The following EBF1 variants were observed in gnomAD, a reference collection of about 807,000 sequenced individuals.
The protein encoded by EBF1 is transcription factor COE1.
EBF1 carries 10 observed loss-of-function variants against 68.4 expected under a neutral mutation model. That is an observed-to-expected ratio of 0.15 (90% CI 0.09 to 0.25). The LOEUF (loss-of-function observed/expected upper bound fraction) is 0.25, where lower values mean the gene tolerates loss of function less well. Ranked by LOEUF, EBF1 falls within the 10% of genes least tolerant of loss-of-function variation. EBF1 has a pLI of 1.00. For synonymous variants in EBF1, 298 were observed against 299.8 expected (o/e 0.99, Z 0.06); for missense variants, 509 against 794.4 (o/e 0.64, Z 4.32).
chr5:158,936,153 T>G (rs1811975194), intron 6 of EBF1, among the ~76,000 whole-genome samples: 1 of 152,228 alleles, frequency 6.6e-6, no homozygotes, highest in South Asian at 2.1e-4. Flanking sequence ...TTTGCTTTTT[T>G]GCCAAGACCA....
intron 14 of EBF1, among the ~76,000 whole-genome samples, chr5:158,708,468 C>T (rs1758401004): frequency 1.3e-5 from 2 of 152,158 alleles, no homozygotes; most frequent in African/African-American, 2.4e-5. Flanking sequence ...GAAAATGACC[C>T]CTGGTCATCA....
At chr5:158,867,249 T>C (rs905658434) in intron 6 of EBF1, among the ~76,000 whole-genome samples, 10 of 152,146 alleles carry the variant, frequency 6.6e-5, no homozygotes, top group Non-Finnish European at 1.0e-4. Context: ...GGCCTGAGTT[T>C]TTATGACAAA....
intron 15 of EBF1, among the ~76,000 whole-genome samples, chr5:158,703,048 A>C (rs912674662): frequency 2.0e-5 from 3 of 152,292 alleles, no homozygotes; most frequent in Admixed American, 6.5e-5. Flanking sequence ...GAATCACTAC[A>C]TCAGCGGGGG....
intron 6 of EBF1, among the ~76,000 whole-genome samples, chr5:158,905,864 G>A (rs577818789): frequency 6.6e-6 from 1 of 152,178 alleles, no homozygotes; most frequent in African/African-American, 2.4e-5. Context: ...GCCTTGCCCT[G>A]GCCCCACTTA....
chr5:158,758,525 C>T (rs1225124192), intron 10 of EBF1, among the ~76,000 whole-genome samples: 2 of 152,160 alleles, frequency 1.3e-5, no homozygotes, highest in African/African-American at 4.8e-5. Context: ...TGCACCTGCC[C>T]TTTATAAAAC....
At chr5:158,858,333 G>T (rs891290067) in intron 6 of EBF1, among the ~76,000 whole-genome samples, 6 of 152,102 alleles carry the variant, frequency 3.9e-5, no homozygotes, top group Admixed American at 3.3e-4. Context: ...TGCCTTCTCA[G>T]GTACTGCTTC....
chr5:159,096,707 G>A (rs1000415505), intron 2 of EBF1: 3 of 606,380 alleles, frequency 4.9e-6, no homozygotes, highest in Admixed American at 6.0e-5. Flanking sequence ...AGTGGAGGGC[G>A]GGTTCATTCC....
At chr5:158,978,575 G>A (rs1252775140) in intron 6 of EBF1, among the ~76,000 whole-genome samples, 1 of 151,892 alleles carries the variant, frequency 6.6e-6, no homozygotes, top group Non-Finnish European at 1.5e-5. Flanking sequence ...TATTTGAATA[G>A]TATGAAATAA....
At chr5:159,089,639 G>A (rs941155059) in intron 4 of EBF1, among the ~76,000 whole-genome samples, 4 of 152,064 alleles carry the variant, frequency 2.6e-5, no homozygotes, top group African/African-American at 9.7e-5. Flanking sequence ...CAAAATAAAG[G>A]CGGTGAAGAG....
intron 11 of EBF1, among the ~76,000 whole-genome samples, chr5:158,717,513 T>C (rs989504253): frequency 1.3e-5 from 2 of 152,174 alleles, no homozygotes; most frequent in Non-Finnish European, 2.9e-5. Flanking sequence ...TTTCAAGGCA[T>C]TTATTTGTCA....
intron 6 of EBF1, among the ~76,000 whole-genome samples, chr5:158,971,157 A>C (rs1054105069): frequency 6.6e-6 from 1 of 152,256 alleles, no homozygotes; most frequent in African/African-American, 2.4e-5. Flanking sequence ...AAATCTGGGC[A>C]CGCCCATCTG....
chr5:159,031,380 T>C (rs186452270), intron 6 of EBF1, among the ~76,000 whole-genome samples: 37 of 152,294 alleles, frequency 2.4e-4, no homozygotes, highest in African/African-American at 8.4e-4. Flanking sequence ...ATCTGGACAT[T>C]TGGGGGAAGC....
chr5:158,797,151 C>T (rs1438540344), intron 8 of EBF1, among the ~76,000 whole-genome samples: 5 of 152,154 alleles, frequency 3.3e-5, no homozygotes, highest in Non-Finnish European at 5.9e-5. Context: ...CTTTCCCAGG[C>T]ATAAAACCCT....
chr5:158,940,854 G>A (rs1813189889), intron 6 of EBF1, among the ~76,000 whole-genome samples: 1 of 143,250 alleles, frequency 7.0e-6, no homozygotes, highest in Non-Finnish European at 1.5e-5. Flanking sequence ...GACTATCTCT[G>A]GAATAAAACC....
chr5:158,801,882 C>T (rs1053211087), intron 8 of EBF1, among the ~76,000 whole-genome samples: 4 of 152,120 alleles, frequency 2.6e-5, no homozygotes, highest in Non-Finnish European at 5.9e-5. Flanking sequence ...ATAAGTGTTA[C>T]ATGATTCAAG....
chr5:158,876,345 T>C (rs1486848952), intron 6 of EBF1, among the ~76,000 whole-genome samples: 3 of 152,172 alleles, frequency 2.0e-5, no homozygotes, highest in Non-Finnish European at 4.4e-5. Flanking sequence ...CATGTATCTC[T>C]ACCCTCAATC....
chr5:158,955,998 C>A (rs1306245913), intron 6 of EBF1, among the ~76,000 whole-genome samples: 3 of 150,022 alleles, frequency 2.0e-5, no homozygotes, highest in Non-Finnish European at 3.0e-5. Flanking sequence ...CTTGAATATG[C>A]CAGATACTGC....
intron 10 of EBF1, among the ~76,000 whole-genome samples, chr5:158,773,915 CCCACTGGACTGA>C (rs1156388820): frequency 1.3e-5 from 2 of 152,136 alleles, no homozygotes; most frequent in African/African-American, 4.8e-5. Context: ...GGATTTAATT[CCCACTGGACTGA>C]CCAGAAACGA....
chr5:158,996,355 T>C (rs1027137385), intron 6 of EBF1, among the ~76,000 whole-genome samples: 12 of 152,232 alleles, frequency 7.9e-5, no homozygotes, highest in Non-Finnish European at 1.6e-4. Flanking sequence ...CAATTTTCTC[T>C]AATTTTTATG....
Sources: gnomAD v4.1 joint callset for allele counts (sites outside exome capture counted in the v4.1 genomes callset) on GRCh38, gnomAD v4.1.1 for gene constraint, MANE v1.5 for transcripts, NCBI Gene and HGNC (gene_info 2026-07-23, HGNC 2026-07-21) for gene names.